COG5: variants seen among roughly 807,000 people sequenced by gnomAD.
COG5 encodes component of oligomeric golgi complex 5.
Under a neutral mutation model 110.4 loss-of-function variants are expected in COG5, and 86 were observed. The ratio of observed to expected loss-of-function variants is 0.78; its 90% CI spans 0.65 to 0.93. The LOEUF is 0.93. Among genes scored for constraint, COG5 ranks in the 40% least tolerant of loss-of-function variants. The pLI is 0.00. For synonymous variants in COG5, 360 were observed against 334.6 expected, an observed-to-expected ratio of 1.08 and a Z score of -0.83; for missense variants, 1,077 against 987.0, an observed-to-expected ratio of 1.09 and a Z score of -1.22.
At chr7:107,441,255 CA>C (rs551026030) in intron 6 of COG5, among the ~76,000 whole-genome samples, 236 of 71,318 alleles carry the variant, frequency 3.3e-3, no homozygotes, top group Admixed American at 4.6e-3. Context: ...GACTCCGTCT[CA>C]AAAAAAAAAA....
At chr7:107,382,538 C>T (rs1815213042) in intron 7 of COG5, among the ~76,000 whole-genome samples, 1 of 152,090 alleles carries the variant, frequency 6.6e-6, no homozygotes, top group Admixed American at 6.5e-5. Context: ...TGGGTTCAAG[C>T]GATTCTCCTC....
chr7:107,536,815 A>C (rs959896721), intron 5 of COG5, among the ~76,000 whole-genome samples: 1 of 152,224 alleles, frequency 6.6e-6, no homozygotes, highest in African/African-American at 2.4e-5. Context: ...GGCAATCCTA[A>C]GCAAAAAGAA....
chr7:107,529,778 A>C (rs1801053711), intron 5 of COG5, among the ~76,000 whole-genome samples: 1 of 152,170 alleles, frequency 6.6e-6, no homozygotes, highest in African/African-American at 2.4e-5. Context: ...TCCTGCTCTG[A>C]AATGTACCTT....
intron 7 of COG5, among the ~76,000 whole-genome samples, chr7:107,383,500 G>C (rs1235473240): frequency 6.6e-6 from 1 of 152,192 alleles, no homozygotes; most frequent in Non-Finnish European, 1.5e-5. Flanking sequence ...GTAGGTGCTA[G>C]AGAGACATAG....
At chr7:107,388,970 T>G (rs1254776594) in intron 7 of COG5, among the ~76,000 whole-genome samples, 2 of 152,214 alleles carry the variant, frequency 1.3e-5, no homozygotes, top group Non-Finnish European at 2.9e-5. Context: ...CGAATTCTAC[T>G]CCAGACACAG....
At chr7:107,561,746 G>A (rs1803790245) in intron 1 of COG5, among the ~76,000 whole-genome samples, 2 of 152,194 alleles carry the variant, frequency 1.3e-5, no homozygotes, top group Non-Finnish European at 2.9e-5. Context: ...GGAGGCCAAG[G>A]CAGGCAGATC....
At chr7:107,416,704 A>G (rs1792872805) in intron 6 of COG5, among the ~76,000 whole-genome samples, 1 of 152,208 alleles carries the variant, frequency 6.6e-6, no homozygotes, top group Non-Finnish European at 1.5e-5. Flanking sequence ...CCCATCAAAA[A>G]AGACGGACCA....
At chr7:107,478,648 G>GA (rs1239098087) in intron 6 of COG5, among the ~76,000 whole-genome samples, 1 of 151,648 alleles carries the variant, frequency 6.6e-6, no homozygotes, top group Non-Finnish European at 1.5e-5. Context: ...GTATGTATAG[G>GA]AAAAAAACAT....
intron 6 of COG5, among the ~76,000 whole-genome samples, chr7:107,460,649 T>C (rs931636847): frequency 1.3e-5 from 2 of 152,054 alleles, no homozygotes; most frequent in Non-Finnish European, 2.9e-5. Flanking sequence ...ACAACATTGT[T>C]CATTAAGAAC....
intron 21 of COG5, among the ~76,000 whole-genome samples, chr7:107,204,072 T>C (rs1474839101): frequency 1.3e-5 from 2 of 152,218 alleles, no homozygotes; most frequent in Admixed American, 1.3e-4. Flanking sequence ...GTAACACCAG[T>C]AGATGCATTA....
At chr7:107,255,422 T>G (rs1037243575) in intron 16 of COG5, among the ~76,000 whole-genome samples, 31 of 152,118 alleles carry the variant, frequency 2.0e-4, no homozygotes, top group African/African-American at 7.2e-4. Context: ...ATGAATTTAG[T>G]GTCCTTACAT....
chr7:107,319,760 T>A (rs943008447), intron 11 of COG5, among the ~76,000 whole-genome samples: 1 of 152,208 alleles, frequency 6.6e-6, no homozygotes, highest in Non-Finnish European at 1.5e-5. Flanking sequence ...TAATTTATTA[T>A]GCTGAGTGAC....
intron 6 of COG5, among the ~76,000 whole-genome samples, chr7:107,457,924 CA>C (rs1201090566): frequency 1.3e-5 from 2 of 151,894 alleles, no homozygotes; most frequent in Non-Finnish European, 2.9e-5. Context: ...AGAGTACACA[CA>C]AAAAATTACA....
chr7:107,393,439 T>C lies in COG5; in HGVS notation c.669+19063A>G, dbSNP rs372238938. Among the ~76,000 whole-genome samples, 26 of 152,372 alleles carry C rather than the reference T, an allele frequency of 1.7e-4. 1 individual carries two copies. In the East Asian group the frequency reaches 2.7e-3, roughly 16 times the overall value. On this transcript the variant is annotated intron_variant, in intron 7 of 21. Transcript: ENST00000297135. ...ATCAATAACACCTTATGAGTAAATA[T>C]TGCTTCCAGCTATTAAAAAGGCCTT...
intron 6 of COG5, among the ~76,000 whole-genome samples, chr7:107,493,578 T>C (rs1238966424): frequency 6.6e-6 from 1 of 152,190 alleles, no homozygotes; most frequent in Admixed American, 6.6e-5. Context: ...CTCTCTTTGC[T>C]TAACTGCCTG....
chr7:107,280,325 G>A (rs1805063757), intron 14 of COG5, among the ~76,000 whole-genome samples: 1 of 151,932 alleles, frequency 6.6e-6, no homozygotes, highest in African/African-American at 2.4e-5. Context: ...ACAAAATCTG[G>A]CCATCCATGG....
chr7:107,387,604 T>G (rs1790305409), intron 7 of COG5, among the ~76,000 whole-genome samples: 1 of 152,232 alleles, frequency 6.6e-6, no homozygotes, highest in African/African-American at 2.4e-5. Flanking sequence ...AAATCCAGTT[T>G]AAGTAAACAG....
At chr7:107,374,180 T>C (rs1413040547) in intron 7 of COG5, among the ~76,000 whole-genome samples, 10 of 152,132 alleles carry the variant, frequency 6.6e-5, no homozygotes. Context: ...TAAGCTATTT[T>C]ATAAAAAATT....
At chr7:107,481,942 A>T (rs1041982592) in intron 6 of COG5, among the ~76,000 whole-genome samples, 1 of 152,094 alleles carries the variant, frequency 6.6e-6, no homozygotes, top group Non-Finnish European at 1.5e-5. Flanking sequence ...CTGGTAAGTA[A>T]ATATTAGTGG....
Sources: allele counts gnomAD v4.1 joint callset (sites outside exome capture counted in the v4.1 genomes callset), GRCh38; gene constraint gnomAD v4.1.1; transcripts MANE v1.5; gene names NCBI Gene and HGNC (gene_info 2026-07-23, HGNC 2026-07-21).